The following CAMTA2 variants were observed in gnomAD, a reference collection of about 807,000 sequenced individuals.
CAMTA2 encodes calmodulin-binding transcription activator 2.
A neutral mutation model predicts 135.7 loss-of-function variants in CAMTA2; 56 were observed. The observed-to-expected ratio is 0.41, with a 90% CI of 0.33 to 0.52. The LOEUF is 0.52. Among genes scored for constraint, CAMTA2 ranks in the 20% least tolerant of loss-of-function variants. The pLI is 0.16. For missense variants in CAMTA2, 1,358 were observed against 1,553.4 expected, an observed-to-expected ratio of 0.87 and a Z score of 2.11; for synonymous variants, 591 against 604.6, an observed-to-expected ratio of 0.98 and a Z score of 0.33.
chr17:4,970,828 C>T (rs1266053379), intron 16 of CAMTA2, among the ~76,000 whole-genome samples: 2 of 152,228 alleles, frequency 1.3e-5, no homozygotes, highest in African/African-American at 4.8e-5. Flanking sequence ...ACTGTCCTAC[C>T]TGGGCCTGCC....
At position 4,970,054 on chromosome 17, in the gene CAMTA2, C is replaced by T. The variant is rs970663882; in HGVS notation, c.3037G>A (p.Val1013Ile). The T allele has an allele frequency of 2.5e-6, 4 of 1,614,028 alleles. No homozygotes were observed. The highest frequency in any genetic ancestry group is 1.7e-5 in the Admixed American group (1 of 60,004). The change falls in exon 18 of 23, where the codon GTC (valine) becomes ATC (isoleucine). Residue 1013 changes from valine to isoleucine, a missense_variant. By Grantham distance (29) the Val-to-Ile change is conservative. This residue lies in a region of CAMTA2 where 1,077 missense variants were observed against 1,127.5 expected (regional missense o/e 0.96). Transcript: ENST00000348066. Reference protein sequence around the residue: ...ELPFERGRLAVPSAPSWAEFL... With the variant: ...ELPFERGRLAIPSAPSWAEFL... Reference sequence around the variant, plus strand: ...TCTGCCCAGGAGGGTGCTGAAGGGACAGCCAGGCGACCTCGCTCAAAGGGC... The same window carrying T: ...TCTGCCCAGGAGGGTGCTGAAGGGATAGCCAGGCGACCTCGCTCAAAGGGC...
Position 4,979,982 on chromosome 17 carries a change from T to A in CAMTA2, c.1340A>T (p.Asp447Val). Residue 447 changes from aspartate (D) to valine (V), a missense_variant, in exon 9 of 23, where the codon GAT becomes GTT. Physicochemically the swap from Asp to Val is radical, Grantham distance 152. This residue lies in a region of CAMTA2 where 1,077 missense variants were observed against 1,127.5 expected (regional missense o/e 0.96). Coordinates refer to ENST00000348066, the MANE Select transcript of CAMTA2 (RefSeq NM_015099.4). ...RRGNCFFIQD[D>V]DSGEELKGHG... ...ACCCTTGAGCTCCTCCCCACTGTCA[T>A]CATCTTGGATGAAGAAGCAGTTTCC... 6.2e-7 allele frequency: 1 copy of A among 1,613,532 alleles called. No individual in the cohort carries two copies. Among genetic ancestry groups the A allele is most frequent in the Non-Finnish European group, 8.5e-7 (1 of 1,179,952 alleles).
rs758029821 is a variant in CAMTA2, at chr17:4,980,118, C to G, written c.1204G>C (p.Glu402Gln). The G allele has an allele frequency of 3.1e-6, 5 of 1,606,570 alleles. No individual in the cohort carries two copies. The highest frequency in any genetic ancestry group is 1.7e-4 in the Middle Eastern group (1 of 6,044). ...CAGGGGGTATGAGCGGCCTCTGCCTCGGGGAAGTCTGGGCTTACTCCCTGC... is the reference window on the plus strand; with the variant it reads ...CAGGGGGTATGAGCGGCCTCTGCCTGGGGGAAGTCTGGGCTTACTCCCTGC... ...GGQGVSPDFPEAEAAHTPCSA... is the reference protein window; with the variant it reads ...GGQGVSPDFPQAEAAHTPCSA... Residue 402 changes from glutamate (E) to glutamine (Q), a missense_variant, in exon 9 of 23, where the codon GAG becomes CAG. Around this residue, in one of 4 missense-constraint regions of CAMTA2, gnomAD observed 1,077 missense variants for 1,127.5 expected, o/e 0.96. Transcript: ENST00000348066. This position sits in a 1 kb window ranked among gnomAD's most constrained non-coding sequence, Gnocchi z 5.3.
rs1973058373 is a variant in CAMTA2, at chr17:4,983,000, C to A, written c.179G>T (p.Trp60Leu). ...YLITFEKHDE[W>L]LSCAPKTRPQ... ...CCTTGTCTTTGGGGCACAAGACAGC[C>A]ACTCATCATGCTTCTCAAAGGTGAT... The change falls in exon 4 of 23, where the codon TGG (tryptophan) becomes TTG (leucine). Residue 60 changes from tryptophan (W) to leucine (L), a missense_variant. Trp to Leu is a moderately conservative substitution (Grantham distance 61, BLOSUM62 -2). This residue lies in a region of CAMTA2 where 105 missense variants were observed against 190.9 expected (regional missense o/e 0.55). Transcript: ENST00000348066. The A allele has an allele frequency of 6.2e-7, 1 of 1,614,044 alleles. No individual in the cohort carries two copies. Among genetic ancestry groups the A allele is most frequent in the Non-Finnish European group, 8.5e-7 (1 of 1,180,018 alleles).
intron 12 of CAMTA2, chr17:4,974,079 T>C: frequency 1.9e-6 from 1 of 523,662 alleles, no homozygotes; most frequent in South Asian, 2.3e-5. Flanking sequence ...GCCCTCTTCT[T>C]TCAGAAACTT....
At chr17:4,981,950 C>T in intron 6 of CAMTA2, 119 bp from the exon 7 acceptor site, 2 of 1,290,966 alleles carry the variant, frequency 1.5e-6, no homozygotes, top group Non-Finnish European at 2.2e-6. Flanking sequence ...CTGACTCTCT[C>T]CATCCCCAAG....
Position 4,969,913 on chromosome 17 carries a change from G to A in CAMTA2, c.3178C>T (p.Arg1060Ter). ...CCCCTGCCCCTGACCTTGTACTTTC[G>A]GAAGGCCGTCTGGATGACTCGGGCA... ...EAARVIQTAF[R>*]KYKGRRLKEQ... The change falls in exon 18 of 23, where the codon CGA becomes TGA. Residue 1060 changes from arginine (R) to a stop codon, truncating the protein, a stop_gained. Coordinates refer to ENST00000348066, the MANE Select transcript of CAMTA2 (RefSeq NM_015099.4). LOFTEE classifies it high-confidence loss of function. This position sits in a 1 kb window ranked among gnomAD's most constrained non-coding sequence, Gnocchi z 5.6. 1 of 1,614,072 alleles carries A rather than the reference G, an allele frequency of 6.2e-7. No individual in the cohort carries two copies. Among genetic ancestry groups the A allele is most frequent in the Non-Finnish European group, 8.5e-7 (1 of 1,179,984 alleles).
At position 4,972,814 on chromosome 17, in the gene CAMTA2, C is replaced by T. The variant is rs1972382257; in HGVS notation, c.2458G>A (p.Glu820Lys). 6.2e-7 allele frequency: 1 copy of T among 1,613,950 alleles called. No homozygotes were observed. Among genetic ancestry groups the T allele is most frequent in the Non-Finnish European group, 8.5e-7 (1 of 1,180,046 alleles). The part of the protein sequence containing the change: ...EELQRQEPSV[E>K]PPFALSPPSS... ...GGTGGCGATAGGGCAAATGGGGGCT[C>T]CACCGAAGGCTCCTGTCTCTGTAGT... The change falls in exon 15 of 23, where the codon GAG becomes AAG. Residue 820 changes from glutamate (E) to lysine (K), a missense_variant. Glu to Lys is a moderately conservative substitution (Grantham distance 56, BLOSUM62 1). Coordinates refer to ENST00000348066, the MANE Select transcript of CAMTA2 (RefSeq NM_015099.4).
intron 1 of CAMTA2, chr17:4,987,341 G>A (rs952591194): frequency 2.2e-5 from 30 of 1,345,030 alleles, no homozygotes; most frequent in Admixed American, 3.9e-5. Flanking sequence ...CCGCGGGCAC[G>A]CGGTGGGCGA....
intron 13 of CAMTA2, 73 bp downstream of exon 13, chr17:4,973,512 C>G: frequency 6.8e-7 from 1 of 1,470,820 alleles, no homozygotes; most frequent in Non-Finnish European, 9.2e-7. Flanking sequence ...CCCAGGTCCT[C>G]CAATTCCTCT....
intron 3 of CAMTA2, among the ~76,000 whole-genome samples, chr17:4,984,705 G>A (rs1006947165): frequency 1.3e-5 from 2 of 152,202 alleles, no homozygotes; most frequent in Admixed American, 1.3e-4. Flanking sequence ...TCCAGAAAGA[G>A]CCAGTATCAG....
intron 11 of CAMTA2, among the ~76,000 whole-genome samples, chr17:4,975,050 AT>A (rs1184337867): frequency 6.6e-6 from 1 of 152,152 alleles, no homozygotes; most frequent in Non-Finnish European, 1.5e-5. Context: ...GGATAGCCAT[AT>A]AGCCATGTCC....
Position 4,972,853 on chromosome 17 carries a change from G to C in CAMTA2, c.2419C>G (p.Arg807Gly). 1 of 1,613,896 alleles carries C rather than the reference G, an allele frequency of 6.2e-7. No individual in the cohort carries two copies. The highest frequency in any genetic ancestry group is 8.5e-7 in the Non-Finnish European group (1 of 1,180,028). Reference protein sequence around the residue: ...AHSRGHVRLARCLEELQRQEP... With the variant: ...AHSRGHVRLAGCLEELQRQEP... ...TGTCTCTGTAGTTCCTCAAGGCAGCGGGCAAGGCGCACATGACCCCGGGAA... is the reference window on the plus strand; with the variant it reads ...TGTCTCTGTAGTTCCTCAAGGCAGCCGGCAAGGCGCACATGACCCCGGGAA... The change falls in exon 15 of 23, where the codon CGC becomes GGC. Residue 807 changes from arginine (R) to glycine (G), a missense_variant. Around this residue, in one of 4 missense-constraint regions of CAMTA2, gnomAD observed 1,077 missense variants for 1,127.5 expected, o/e 0.96. Coordinates refer to ENST00000348066, the MANE Select transcript of CAMTA2 (RefSeq NM_015099.4).
rs913656035 is a variant in CAMTA2 at position 4,970,134 on chromosome 17, C to T, written c.3006-49G>A. ...TGTCATGAAGCATCTGAAGTCCCTC[C>T]TCTGCCACCTATGGATGGCTACGAA... On this transcript the variant is annotated intron_variant, in intron 17 of 22. Transcript: ENST00000348066. 6 of 1,568,498 alleles carry T rather than the reference C, an allele frequency of 3.8e-6. No individual in the cohort carries two copies. In the African/African-American group the frequency reaches 4.1e-5, roughly 11 times the overall value.
chr17:4,972,177 C>G (rs942645679), intron 16 of CAMTA2, 55 bp downstream of exon 16: 22 of 1,461,108 alleles, frequency 1.5e-5, no homozygotes, highest in Admixed American at 4.0e-5. Flanking sequence ...GGAAGTCGGC[C>G]TCACCCTTCC....
intron 12 of CAMTA2, 181 bp from the exon 13 acceptor site, chr17:4,973,950 T>C: frequency 1.7e-6 from 1 of 590,178 alleles, no homozygotes; most frequent in Non-Finnish European, 3.0e-6. Context: ...CCACAGCCAC[T>C]TCCTCCAGCA....
chr17:4,981,506 C>A (rs988510062), intron 7 of CAMTA2, 147 bp from the exon 8 acceptor site: 6 of 1,300,450 alleles, frequency 4.6e-6, no homozygotes, highest in Non-Finnish European at 6.4e-6. Context: ...AGATATGTTG[C>A]TTTAGTCCTT....
Position 4,983,055 on chromosome 17 carries a change from G to C in CAMTA2, c.136-12C>G. 1 of 1,611,386 alleles carries C rather than the reference G, an allele frequency of 6.2e-7. No homozygotes were observed. Among genetic ancestry groups the C allele is most frequent in the Non-Finnish European group, 8.5e-7 (1 of 1,177,604 alleles). On this transcript the variant is annotated splice_polypyrimidine_tract_variant and intron_variant, in intron 3 of 22. Transcript: ENST00000348066. Reference sequence around the variant, plus strand: ...TAGGATGCAATCTCCTGTAGGAGAGGAGGCACTCAGCTGGGCATCTCCTTC... The same window carrying C: ...TAGGATGCAATCTCCTGTAGGAGAGCAGGCACTCAGCTGGGCATCTCCTTC...
In CAMTA2 at chr17:4,978,574, G is replaced by C. The variant is rs749426019; in HGVS notation, c.1695C>G (p.Ser565=). 4.5e-5 allele frequency: 73 copies of C among 1,614,062 alleles called. No individual in the cohort carries two copies. The Middle Eastern group carries it at 4.9e-4, about 11-fold the overall frequency. ...GPWTEAAEHY[S]CVFDHIAVPA... is the part of the protein sequence containing the mutation. ...GCACTGCGATGTGATCAAAGACACA[G>C]GAGTAATGCTCGGCGGCTTCGGTCC... The change falls in exon 10 of 23, where the codon TCC becomes TCG. Residue 565 remains serine, a synonymous_variant. Coordinates refer to ENST00000348066, the MANE Select transcript of CAMTA2 (RefSeq NM_015099.4).
Sources: allele counts gnomAD v4.1 joint callset (sites outside exome capture counted in the v4.1 genomes callset), GRCh38; gene constraint gnomAD v4.1.1; regional missense constraint gnomAD v4.1.1; non-coding constraint Gnocchi (gnomAD v3.1); transcripts MANE v1.5; gene names NCBI Gene and HGNC (gene_info 2026-07-23, HGNC 2026-07-21).